Variants in MTIF2 observed in about 807,000 individuals in gnomAD.
The protein encoded by MTIF2 is mitochondrial translational initiation factor 2.
Under a neutral mutation model 83.5 loss-of-function variants are expected in MTIF2, and 71 were observed. That is an observed-to-expected ratio of 0.85 (90% CI 0.70 to 1.04). The LOEUF (loss-of-function observed/expected upper bound fraction) is 1.04, where lower values mean the gene tolerates loss of function less well. MTIF2 is among the 50% of genes least tolerant of loss of function. The pLI is 0.00. For missense variants in MTIF2, 957 were observed against 846.5 expected (o/e 1.13, Z -1.62); for synonymous variants, 319 against 287.1 (o/e 1.11, Z -1.12).
In MTIF2 at chr2:55,268,662, G is replaced by A. The variant is rs1678610535; in HGVS notation, c.-159C>T. ...TCCAATGTCATACCGCTAGTTAATG[G>A]CAGTCAAGACTAGAACCCAGACGTT... is the stretch of plus-strand genomic sequence containing the variant. On this transcript the variant is annotated 5_prime_UTR_variant, in exon 2 of 16. Transcript: ENST00000263629. 1 of 152,286 alleles carries A rather than the reference G, an allele frequency of 6.6e-6. No homozygotes were observed. Among genetic ancestry groups the A allele is most frequent in the South Asian group, 2.1e-4 (1 of 4,828 alleles). The allele number at this position is 152,286 out of a possible 1,614,324, so 9.4% of individuals were successfully genotyped here.
rs543630971 is a variant in MTIF2 at position 55,261,081 on chromosome 2, G to A, written c.331+1235C>T. Among the ~76,000 whole-genome samples the A allele has an allele frequency of 2.5e-4, 38 of 151,814 alleles. 1 individual carries two copies. Among genetic ancestry groups the A allele is most frequent in the African/African-American group, 7.7e-4 (32 of 41,382 alleles). On this transcript the variant is annotated intron_variant, in intron 5 of 15. Transcript: ENST00000263629. ...GGCTCACTGCAAGCTCCGCCTCCAC[G>A]GTTCACGCCATTCTCCTGCCTCAGC... is the stretch of plus-strand genomic sequence containing the variant.
chr2:55,252,630 T>C lies in MTIF2; in HGVS notation c.688A>G (p.Ile230Val), dbSNP rs748903563. The C allele has an allele frequency of 1.9e-6, 3 of 1,613,394 alleles. No homozygotes were observed. Among genetic ancestry groups the C allele is most frequent in the Admixed American group, 3.3e-5 (2 of 59,874 alleles). Reference protein sequence around the residue: ...FLVSLPSGEKITFLDTPGHAA... With the variant: ...FLVSLPSGEKVTFLDTPGHAA... Reference sequence around the variant, plus strand: ...TGTCCTGGAGTATCAAGAAAAGTTATCTTTTCCCCAGAAGGCAGAGAGACT... The same window carrying C: ...TGTCCTGGAGTATCAAGAAAAGTTACCTTTTCCCCAGAAGGCAGAGAGACT... Residue 230 changes from isoleucine (I) to valine (V), a missense_variant, in exon 8 of 16, where the codon ATA (isoleucine) becomes GTA (valine). Physicochemically the swap from Ile to Val is conservative, Grantham distance 29 (BLOSUM62 3). Around this residue, in one of 3 missense-constraint regions of MTIF2, gnomAD observed 733 missense variants for 648.7 expected, o/e 1.13. Coordinates refer to ENST00000263629, the MANE Select transcript of MTIF2 (RefSeq NM_002453.3).
Position 55,254,820 on chromosome 2 carries a change from C to T in MTIF2, c.337G>A (p.Val113Ile). 4 of 1,564,428 alleles carry T rather than the reference C, an allele frequency of 2.6e-6. No individual in the cohort carries two copies. Among genetic ancestry groups the T allele is most frequent in the Middle Eastern group, 1.7e-4 (1 of 5,870 alleles). ...ARAMEKNTDYVYEALLNTDID... is the reference protein window; with the variant it reads ...ARAMEKNTDYIYEALLNTDID... ...TCAGTGTTCAATAAAGCTTCATATA[C>T]ATAATCTGATTGGAATAAAATAAAA... Residue 113 changes from valine to isoleucine, a missense_variant, in exon 6 of 16, where the codon GTA becomes ATA. Val to Ile is a conservative substitution (Grantham distance 29). This residue lies in a region of MTIF2 where 733 missense variants were observed against 648.7 expected (regional missense o/e 1.13). Coordinates refer to ENST00000263629, the MANE Select transcript of MTIF2 (RefSeq NM_002453.3).
chr2:55,266,763 CTTT>C lies in MTIF2; in HGVS notation c.-8+803_-8+805del, dbSNP rs1216777992. Among the ~76,000 whole-genome samples, 662 of 86,242 alleles carry C rather than the reference CTTT, an allele frequency of 7.7e-3. 2 individuals carry two copies. Among genetic ancestry groups the C allele is most frequent in the East Asian group, 0.026 (80 of 3,072 alleles). The allele number at this position is 86,242 out of a possible 152,430, so 56.6% of individuals were successfully genotyped here. ...TAGGCATTAAATGCTACATTTCATT[CTTT>C]TTTTTTTTTTTTTTTTTTTCAGATG... On this transcript the variant is annotated intron_variant, in intron 3 of 15. Coordinates refer to ENST00000263629, the MANE Select transcript of MTIF2 (RefSeq NM_002453.3).
chr2:55,249,277 A>G, intron 9 of MTIF2, 118 bp downstream of exon 9: 1 of 1,354,798 alleles, frequency 7.4e-7, no homozygotes, highest in Admixed American at 2.5e-5. Flanking sequence ...GCACCAAGAA[A>G]ACTTTTTAAA....
At chr2:55,244,669 C>T (rs1296918919) in intron 10 of MTIF2, among the ~76,000 whole-genome samples, 1 of 151,978 alleles carries the variant, frequency 6.6e-6, no homozygotes, top group Non-Finnish European at 1.5e-5. Flanking sequence ...AATCCCAGCA[C>T]TTTTGAAGGC....
intron 13 of MTIF2, among the ~76,000 whole-genome samples, chr2:55,240,837 A>G (rs1676252018): frequency 6.6e-6 from 1 of 152,222 alleles, no homozygotes; most frequent in African/African-American, 2.4e-5. Flanking sequence ...CTAAAATACT[A>G]TTCCTTCATT....
chr2:55,261,788 A>T (rs527600810), intron 5 of MTIF2, among the ~76,000 whole-genome samples: 33 of 151,968 alleles, frequency 2.2e-4, no homozygotes, highest in African/African-American at 7.5e-4. Flanking sequence ...AAAATAAAAA[A>T]TTAGCTGGGC....
At chr2:55,255,892 T>C (rs535096007) in intron 5 of MTIF2, among the ~76,000 whole-genome samples, 1 of 149,410 alleles carries the variant, frequency 6.7e-6, no homozygotes, top group Non-Finnish European at 1.5e-5. Context: ...CTCTTTTTTT[T>C]TGGGACAGAG....
At chr2:55,256,665 C>T (rs1305464262) in intron 5 of MTIF2, among the ~76,000 whole-genome samples, 2 of 150,896 alleles carry the variant, frequency 1.3e-5, no homozygotes, top group Non-Finnish European at 2.9e-5. Context: ...CACGCCACTG[C>T]GCTCCAGCCT....
At chr2:55,261,495 T>A (rs1471432930) in intron 5 of MTIF2, among the ~76,000 whole-genome samples, 1 of 150,048 alleles carries the variant, frequency 6.7e-6, no homozygotes, top group Non-Finnish European at 1.5e-5. Flanking sequence ...TAATCCCAGC[T>A]CCTCAGGAGG....
intron 13 of MTIF2, among the ~76,000 whole-genome samples, chr2:55,240,535 C>T (rs987611272): frequency 2.6e-5 from 4 of 151,990 alleles, no homozygotes; most frequent in Non-Finnish European, 4.4e-5. Flanking sequence ...GCTGAGATCG[C>T]GCCACTGCAC....
At position 55,238,463 on chromosome 2, in the gene MTIF2, T is replaced by C. The variant is rs1340828207; in HGVS notation, c.1871-1035A>G. ...TGGAGTGCAATGGCGCGATCTTGGC[T>C]CACCAGCAAACTCCGCCTCCTGGGT... On this transcript the variant is annotated intron_variant, in intron 14 of 15. Coordinates refer to ENST00000263629, the MANE Select transcript of MTIF2 (RefSeq NM_002453.3). 4.1e-5 allele frequency among the ~76,000 whole-genome samples: 6 copies of C among 147,132 alleles called. No individual in the cohort carries two copies. The Admixed American group carries it at 4.3e-4, about 10-fold the overall frequency.
chr2:55,259,450 T>A (rs2576712), intron 5 of MTIF2, among the ~76,000 whole-genome samples: 105,626 of 151,112 alleles, frequency 0.7, 38,112 homozygotes, highest in Non-Finnish European at 0.79. Context: ...TTAGTCATAA[T>A]AAAGAATTAT....
intron 5 of MTIF2, among the ~76,000 whole-genome samples, chr2:55,256,896 G>C (rs1160055318): frequency 6.6e-6 from 1 of 151,816 alleles, no homozygotes; most frequent in African/African-American, 2.4e-5. Flanking sequence ...AAGGGTTCTT[G>C]CCATTTTGCC....
intron 9 of MTIF2, among the ~76,000 whole-genome samples, chr2:55,248,105 G>C (rs764939704): frequency 7.2e-5 from 11 of 152,106 alleles, no homozygotes; most frequent in Non-Finnish European, 1.6e-4. Flanking sequence ...GCCCAGGCTG[G>C]TCTTGAACTC....
At position 55,263,785 on chromosome 2, in the gene MTIF2, C is replaced by T; in HGVS notation, c.74G>A (p.Cys25Tyr). 2 of 1,614,128 alleles carry T rather than the reference C, an allele frequency of 1.2e-6. No individual in the cohort carries two copies. Among genetic ancestry groups the T allele is most frequent in the Non-Finnish European group, 1.7e-6 (2 of 1,180,032 alleles). The change falls in exon 4 of 16, where the codon TGT (cysteine) becomes TAT (tyrosine). Residue 25 changes from cysteine (C) to tyrosine (Y), a missense_variant. Transcript: ENST00000263629. ...HTIYRQLHSLCQRRALRQWRH... is the reference protein window; with the variant it reads ...HTIYRQLHSLYQRRALRQWRH... ...CCACTGTCTTAATGCTCTTCTTTGA[C>T]ACAGACTGTGCAGTTGCCTATAAAT...
At chr2:55,244,920 G>A (rs562327229) in intron 10 of MTIF2, among the ~76,000 whole-genome samples, 4 of 152,104 alleles carry the variant, frequency 2.6e-5, no homozygotes, top group South Asian at 2.1e-4. Context: ...GGTGGCACGC[G>A]CCTACAGTCC....
chr2:55,254,231 C>T (rs1468624110), intron 6 of MTIF2, 30 bp from the exon 7 acceptor site: 1 of 1,600,544 alleles, frequency 6.2e-7, no homozygotes, highest in Middle Eastern at 1.7e-4. Flanking sequence ...AGTTTCATTT[C>T]TTAAATATCA....
Sources: allele counts gnomAD v4.1 joint callset (sites outside exome capture counted in the v4.1 genomes callset), GRCh38; gene constraint gnomAD v4.1.1; regional missense constraint gnomAD v4.1.1; transcripts MANE v1.5; gene names NCBI Gene and HGNC (gene_info 2026-07-23, HGNC 2026-07-21).